The following PCDH9 variants were observed in gnomAD, a reference collection of about 807,000 sequenced individuals.
The protein encoded by PCDH9 is protocadherin 9.
In PCDH9, 24 loss-of-function variants were observed where a neutral mutation model predicts 70.6. The ratio of observed to expected loss-of-function variants is 0.34; its 90% CI spans 0.25 to 0.48. The LOEUF (loss-of-function observed/expected upper bound fraction) is 0.48. Among genes scored for constraint, PCDH9 ranks in the 20% least tolerant of loss-of-function variants. The pLI, the probability that PCDH9 is intolerant of heterozygous loss-of-function variation, is 0.99. For missense variants in PCDH9, 1,281 were observed against 1,503.6 expected, an observed-to-expected ratio of 0.85 and a Z score of 2.45; for synonymous variants, 562 against 558.5, an observed-to-expected ratio of 1.01 and a Z score of -0.09.
At chr13:66,992,957 A>G (rs60525328) in intron 2 of PCDH9, among the ~76,000 whole-genome samples, 2,797 of 152,236 alleles carry the variant, frequency 0.018, 84 homozygotes, top group African/African-American at 0.065. Context: ...AAATAGCAGC[A>G]AAGAAGAAAA....
chr13:66,373,448 CT>C (rs1447811645), intron 4 of PCDH9, among the ~76,000 whole-genome samples: 1 of 151,842 alleles, frequency 6.6e-6, no homozygotes. Context: ...TTTAACACTA[CT>C]GAACTATATA....
At position 67,227,567 on chromosome 13, in the gene PCDH9, C is replaced by A. The variant is rs377631463; in HGVS notation, c.874G>T (p.Gly292Cys). The change falls in exon 2 of 5, where the codon GGT becomes TGT. Residue 292 changes from glycine (G) to cysteine (C), a missense_variant. By Grantham distance (159) the Gly-to-Cys change is radical (BLOSUM62 -3). Coordinates refer to ENST00000377865, the MANE Select transcript of PCDH9 (RefSeq NM_203487.3). This position sits in a 1 kb window ranked among gnomAD's most constrained non-coding sequence, Gnocchi z 4.6. ...TTGGTTGCAGGGGCGACCTGGGCAC[C>A]AAAAATGTACCGGATTTCAGCATTA... Reference protein sequence around the residue: ...GSNAEIRYIFGAQVAPATKRL... With the variant: ...GSNAEIRYIFCAQVAPATKRL... The A allele has an allele frequency of 2.5e-6, 4 of 1,613,906 alleles. No homozygotes were observed. Among genetic ancestry groups the A allele is most frequent in the Non-Finnish European group, 3.4e-6 (4 of 1,179,986 alleles).
intron 3 of PCDH9, among the ~76,000 whole-genome samples, chr13:66,814,832 T>C (rs926033115): frequency 2.6e-5 from 4 of 152,156 alleles, no homozygotes; most frequent in African/African-American, 4.8e-5. Context: ...GAAATACCAT[T>C]CTGGACATAG....
At chr13:66,782,775 T>C (rs1358128281) in intron 3 of PCDH9, 1 of 152,122 alleles carries the variant, frequency 6.6e-6, no homozygotes, top group East Asian at 1.9e-4. Flanking sequence ...TCAGAGAGAA[T>C]ATCTCAAGTA....
intron 4 of PCDH9, among the ~76,000 whole-genome samples, chr13:66,313,917 G>A (rs1955606634): frequency 6.6e-6 from 1 of 152,162 alleles, no homozygotes. Flanking sequence ...AAAGATGTCT[G>A]AAAGATTATA....
chr13:67,118,624 G>A (rs946977212), intron 2 of PCDH9, among the ~76,000 whole-genome samples: 1 of 152,062 alleles, frequency 6.6e-6, no homozygotes, highest in African/African-American at 2.4e-5. Context: ...AGCCAAGCAA[G>A]GTAAAACATA....
chr13:66,622,900 C>G (rs1368346275), intron 4 of PCDH9, among the ~76,000 whole-genome samples: 6 of 152,174 alleles, frequency 3.9e-5, no homozygotes, highest in Non-Finnish European at 8.8e-5. Flanking sequence ...TAACACTCAC[C>G]GCAAAGGTCT....
intron 4 of PCDH9, among the ~76,000 whole-genome samples, chr13:66,347,473 A>C (rs904652887): frequency 2.6e-5 from 4 of 152,194 alleles, no homozygotes; most frequent in African/African-American, 9.7e-5. Flanking sequence ...CTCGGAAAAA[A>C]AACAAAAACA....
intron 3 of PCDH9, among the ~76,000 whole-genome samples, chr13:66,651,278 GA>G (rs1298506056): frequency 6.6e-6 from 1 of 151,666 alleles, no homozygotes; most frequent in Non-Finnish European, 1.5e-5. Context: ...AGACCAAAAA[GA>G]AAAGAGAGAA....
intron 2 of PCDH9, among the ~76,000 whole-genome samples, chr13:67,069,424 T>C (rs2085714286): frequency 6.6e-6 from 1 of 152,180 alleles, no homozygotes; most frequent in Non-Finnish European, 1.5e-5. Flanking sequence ...TCTATTCACC[T>C]GTACAATTCT....
intron 3 of PCDH9, among the ~76,000 whole-genome samples, chr13:66,797,650 C>T (rs970865748): frequency 6.6e-5 from 10 of 152,108 alleles, no homozygotes; most frequent in Non-Finnish European, 1.5e-4. Context: ...AACGTTAAAC[C>T]TCTACTATAT....
At chr13:66,497,076 GT>G (rs200404163) in intron 4 of PCDH9, among the ~76,000 whole-genome samples, 9 of 147,666 alleles carry the variant, frequency 6.1e-5, no homozygotes, top group African/African-American at 9.9e-5. Context: ...TACTTTTTCA[GT>G]TTTTTTTTTA....
intron 2 of PCDH9, among the ~76,000 whole-genome samples, chr13:67,026,508 C>G (rs1301801278): frequency 6.6e-6 from 1 of 152,086 alleles, no homozygotes; most frequent in Non-Finnish European, 1.5e-5. Context: ...TGGCATCAGA[C>G]AGGGATGCCC....
intron 4 of PCDH9, among the ~76,000 whole-genome samples, chr13:66,604,291 A>G (rs186847656): frequency 3.3e-5 from 5 of 152,114 alleles, no homozygotes; most frequent in Admixed American, 2.6e-4. Flanking sequence ...CTGGCTGAAC[A>G]TATGATTGTT....
At chr13:66,513,661 A>T (rs1341807913) in intron 4 of PCDH9, among the ~76,000 whole-genome samples, 1 of 151,958 alleles carries the variant, frequency 6.6e-6, no homozygotes, top group African/African-American at 2.4e-5. Flanking sequence ...TTCATTCTTC[A>T]GTTTTTAATA....
chr13:67,069,470 A>C (rs2085715651), intron 2 of PCDH9, among the ~76,000 whole-genome samples: 1 of 152,168 alleles, frequency 6.6e-6, no homozygotes, highest in South Asian at 2.1e-4. Flanking sequence ...TAATGTAATA[A>C]TCTACTAACA....
intron 2 of PCDH9, among the ~76,000 whole-genome samples, chr13:66,927,017 T>C (rs140414615): frequency 3.2e-4 from 49 of 152,208 alleles, no homozygotes; most frequent in Admixed American, 1.3e-3. Context: ...GACTCTCAGA[T>C]GGTCATTATT....
intron 3 of PCDH9, among the ~76,000 whole-genome samples, chr13:66,778,301 A>T (rs2079934079): frequency 6.6e-6 from 1 of 151,762 alleles, no homozygotes; most frequent in African/African-American, 2.4e-5. Context: ...TAATAAAAAT[A>T]CTCTCTGCTC....
chr13:66,707,315 G>T (rs2078724774), intron 3 of PCDH9, among the ~76,000 whole-genome samples: 1 of 152,084 alleles, frequency 6.6e-6, no homozygotes, highest in South Asian at 2.1e-4. Context: ...AAATATTTGT[G>T]CTGTTGACTT....
Sources: gnomAD v4.1 joint callset for allele counts (sites outside exome capture counted in the v4.1 genomes callset) on GRCh38, gnomAD v4.1.1 for gene constraint, Gnocchi (gnomAD v3.1) non-coding constraint, MANE v1.5 for transcripts, NCBI Gene and HGNC (gene_info 2026-07-23, HGNC 2026-07-21) for gene names.